Variants in PIP4K2A observed in about 807,000 individuals in gnomAD.
The protein encoded by PIP4K2A is phosphatidylinositol 5-phosphate 4-kinase type-2 alpha.
A neutral mutation model predicts 42.9 loss-of-function variants in PIP4K2A; 14 were observed. That is an observed-to-expected ratio of 0.33 (90% CI 0.22 to 0.51). The LOEUF (loss-of-function observed/expected upper bound fraction) is 0.51. PIP4K2A is among the 20% of genes least tolerant of loss of function. The pLI is 0.97. For missense variants in PIP4K2A, 434 were observed against 519.8 expected, an observed-to-expected ratio of 0.83 and a Z score of 1.61; for synonymous variants, 192 against 192.2, an observed-to-expected ratio of 1.00 and a Z score of 0.01.
intron 1 of PIP4K2A, among the ~76,000 whole-genome samples, chr10:22,652,073 T>C (rs1171491): frequency 0.028 from 4,236 of 152,270 alleles, 80 homozygotes; most frequent in Non-Finnish European, 0.039. Flanking sequence ...GCTTAATTTG[T>C]GTTGAATAAC....
chr10:22,646,314 A>T (rs1163083430), intron 1 of PIP4K2A: 3 of 152,134 alleles, frequency 2.0e-5, no homozygotes, highest in African/African-American at 7.2e-5. Flanking sequence ...GGAGATTAAG[A>T]TTTCCTTGGA....
At chr10:22,627,916 C>T (rs923333071) in intron 1 of PIP4K2A, among the ~76,000 whole-genome samples, 1 of 152,130 alleles carries the variant, frequency 6.6e-6, no homozygotes, top group African/African-American at 2.4e-5. Flanking sequence ...TGTCATTATT[C>T]CCTACAATAT....
At chr10:22,699,695 T>C (rs1185895024) in intron 1 of PIP4K2A, among the ~76,000 whole-genome samples, 1 of 152,176 alleles carries the variant, frequency 6.6e-6, no homozygotes, top group Non-Finnish European at 1.5e-5. Context: ...AACGATTACA[T>C]CTTTCTTTGG....
chr10:22,683,874 C>T (rs939006084), intron 1 of PIP4K2A, among the ~76,000 whole-genome samples: 1 of 146,724 alleles, frequency 6.8e-6, no homozygotes, highest in Non-Finnish European at 1.5e-5. Flanking sequence ...CACACACACA[C>T]AATTCAAAGT....
At chr10:22,612,271 C>T (rs1267748005) in intron 1 of PIP4K2A, among the ~76,000 whole-genome samples, 1 of 152,116 alleles carries the variant, frequency 6.6e-6, no homozygotes, top group Non-Finnish European at 1.5e-5. Flanking sequence ...GAAGAACTGC[C>T]CCAAGTGTTG....
intron 8 of PIP4K2A, among the ~76,000 whole-genome samples, chr10:22,540,333 C>T (rs796571726): frequency 2.0e-5 from 3 of 151,944 alleles, no homozygotes; most frequent in African/African-American, 7.2e-5. Context: ...ACCAGGGTAT[C>T]AACAGTGGAG....
intron 1 of PIP4K2A, among the ~76,000 whole-genome samples, chr10:22,645,276 T>C (rs1838857366): frequency 6.6e-6 from 1 of 152,210 alleles, no homozygotes; most frequent in Non-Finnish European, 1.5e-5. Context: ...CCAGCCACGA[T>C]GGCTCACGCC....
intron 1 of PIP4K2A, among the ~76,000 whole-genome samples, chr10:22,623,034 G>T (rs1177750417): frequency 2.0e-5 from 3 of 152,104 alleles, no homozygotes; most frequent in Non-Finnish European, 2.9e-5. Flanking sequence ...AATGGCACAA[G>T]CATATTACCT....
chr10:22,660,599 A>C (rs142315939), intron 1 of PIP4K2A, among the ~76,000 whole-genome samples: 230 of 152,328 alleles, frequency 1.5e-3, no homozygotes, highest in African/African-American at 5.3e-3. Flanking sequence ...CCCGTTAAAC[A>C]AATACCAAGC....
intron 6 of PIP4K2A, among the ~76,000 whole-genome samples, chr10:22,555,090 T>C (rs564370913): frequency 6.6e-6 from 1 of 152,360 alleles, no homozygotes; most frequent in South Asian, 2.1e-4. Context: ...CTGGCTGTCC[T>C]GCTTCCCGTT....
intron 6 of PIP4K2A, among the ~76,000 whole-genome samples, chr10:22,561,256 A>G (rs1183852483): frequency 6.6e-6 from 1 of 152,208 alleles, no homozygotes; most frequent in Non-Finnish European, 1.5e-5. Context: ...AGACATCTGT[A>G]CATGCATGTT....
chr10:22,648,680 TGGCTCTTGTGGTCTGAAACA>T (rs764987025), intron 1 of PIP4K2A, among the ~76,000 whole-genome samples: 5 of 152,220 alleles, frequency 3.3e-5, no homozygotes, highest in Non-Finnish European at 7.3e-5. Flanking sequence ...AAAAATTCCC[TGGCTCTTGTGGTCTGAAACA>T]GGCACATTTC....
intron 3 of PIP4K2A, among the ~76,000 whole-genome samples, chr10:22,592,945 A>G (rs1295122283): frequency 6.6e-6 from 1 of 152,262 alleles, no homozygotes; most frequent in Non-Finnish European, 1.5e-5. Context: ...TGTCAAGTTA[A>G]GGGAACACAG....
At position 22,608,000 on chromosome 10, in the gene PIP4K2A, T is replaced by G; in HGVS notation, c.266A>C (p.Lys89Thr). Residue 89 changes from lysine to threonine, a missense_variant, in exon 3 of 10, where the codon AAG (lysine) becomes ACG (threonine). Physicochemically the swap from Lys to Thr is moderately conservative, Grantham distance 78 (BLOSUM62 -1). Around this residue, in one of 2 missense-constraint regions of PIP4K2A, gnomAD observed 395 missense variants for 444.5 expected, o/e 0.89. Coordinates refer to ENST00000376573, the MANE Select transcript of PIP4K2A (RefSeq NM_005028.5). ...GACCATCGGGCAGTATTCCTTAAAC[T>G]TGAAATGGCTCGGCATGTTTTCTCT... Reference protein sequence around the residue: ...FNKENMPSHFKFKEYCPMVFR... With the variant: ...FNKENMPSHFTFKEYCPMVFR... 6.2e-7 allele frequency: 1 copy of G among 1,611,688 alleles called. No homozygotes were observed. Among genetic ancestry groups the G allele is most frequent in the East Asian group, 2.2e-5 (1 of 44,842 alleles).
chr10:22,568,994 A>C (rs1836915523), intron 5 of PIP4K2A: 1 of 1,525,942 alleles, frequency 6.6e-7, no homozygotes, highest in Non-Finnish European at 8.8e-7. Flanking sequence ...TGAGTTAGCC[A>C]TTCATTAAAT....
At chr10:22,664,039 ATATATATACATATG>A (rs1564459633) in intron 1 of PIP4K2A, among the ~76,000 whole-genome samples, 9 of 105,880 alleles carry the variant, frequency 8.5e-5, no homozygotes, top group African/African-American at 4.2e-4. Flanking sequence ...ATACATATAT[ATATATATACATATG>A]TATATATACA....
At chr10:22,666,791 C>T (rs978009709) in intron 1 of PIP4K2A, among the ~76,000 whole-genome samples, 1 of 152,176 alleles carries the variant, frequency 6.6e-6, no homozygotes, top group East Asian at 1.9e-4. Flanking sequence ...CTTTGCTCCC[C>T]GAACGTACAT....
chr10:22,663,135 G>C (rs1839239087), intron 1 of PIP4K2A, among the ~76,000 whole-genome samples: 1 of 152,228 alleles, frequency 6.6e-6, no homozygotes, highest in Non-Finnish European at 1.5e-5. Context: ...AATTCCAGCT[G>C]TATTTAAATT....
chr10:22,684,892 G>A (rs1273296708), intron 1 of PIP4K2A, among the ~76,000 whole-genome samples: 3 of 152,142 alleles, frequency 2.0e-5, no homozygotes, highest in Admixed American at 6.5e-5. Flanking sequence ...ACAGCTGTCC[G>A]ATACACAGCT....
Sources: gnomAD v4.1 joint callset for allele counts (sites outside exome capture counted in the v4.1 genomes callset) on GRCh38, gnomAD v4.1.1 for gene constraint, gnomAD v4.1.1 regional missense constraint, MANE v1.5 for transcripts, NCBI Gene and HGNC (gene_info 2026-07-23, HGNC 2026-07-21) for gene names.